The following DOCK2 variants were observed in gnomAD, a reference collection of about 807,000 sequenced individuals.
DOCK2 encodes the protein dedicator of cytokinesis protein 2.
In DOCK2, 87 loss-of-function variants were observed where a neutral mutation model predicts 248.9. The observed-to-expected ratio is 0.35, with a 90% CI of 0.29 to 0.42. The LOEUF is 0.42. Among genes scored for constraint, DOCK2 ranks in the 10% least tolerant of loss-of-function variants. The probability of loss-of-function intolerance (pLI) is 1.00; values close to 1 mark genes in which losing one functional copy is unlikely to be tolerated. For synonymous variants in DOCK2, 805 were observed against 821.6 expected (o/e 0.98, Z 0.35); for missense variants, 1,747 against 2,300.2 (o/e 0.76, Z 4.92).
intron 25 of DOCK2, among the ~76,000 whole-genome samples, chr5:169,769,888 C>G (rs1206574974): frequency 6.6e-6 from 1 of 152,206 alleles, no homozygotes; most frequent in East Asian, 1.9e-4. Flanking sequence ...ATGGAATGAA[C>G]TCCTTAAGGA....
At chr5:169,853,678 G>T (rs1168424223) in intron 27 of DOCK2, among the ~76,000 whole-genome samples, 3 of 151,982 alleles carry the variant, frequency 2.0e-5, no homozygotes. Flanking sequence ...ATCTCCCAGA[G>T]CTCAGAACAT....
intron 27 of DOCK2, among the ~76,000 whole-genome samples, chr5:169,946,633 A>G (rs1331848749): frequency 1.3e-5 from 2 of 152,172 alleles, no homozygotes; most frequent in Non-Finnish European, 2.9e-5. Flanking sequence ...TGTATCAGCC[A>G]CTGTTTCAAG....
Position 170,001,280 on chromosome 5 carries a change from A to G in DOCK2, c.3072+5116A>G, listed in dbSNP as rs556859603. On this transcript the variant is annotated intron_variant, in intron 30 of 51. Coordinates refer to ENST00000520908, the MANE Select transcript of DOCK2 (RefSeq NM_004946.3). Reference sequence around the variant, plus strand: ...TTTTTTTTATTGAAATTTGGGATAAATAATGATTCAAGGTCACTGAGAAAG... The same window carrying G: ...TTTTTTTTATTGAAATTTGGGATAAGTAATGATTCAAGGTCACTGAGAAAG... Among the ~76,000 whole-genome samples, 45 of 152,274 alleles carry G rather than the reference A, an allele frequency of 3.0e-4. No homozygotes were observed. In the East Asian group the frequency reaches 8.5e-3, roughly 29 times the overall value.
At chr5:169,718,635 G>C (rs1053514316) in intron 21 of DOCK2, 22 bp from the exon 22 acceptor site, 1 of 1,602,162 alleles carries the variant, frequency 6.2e-7, no homozygotes, top group Non-Finnish European at 8.5e-7. Context: ...GATGTATTTT[G>C]AAAATATTAT....
At chr5:169,939,517 G>GTTT (rs1422111331) in intron 27 of DOCK2, among the ~76,000 whole-genome samples, 2 of 152,064 alleles carry the variant, frequency 1.3e-5, no homozygotes, top group African/African-American at 4.8e-5. Flanking sequence ...AGTAACAGTC[G>GTTT]TTTATTATTA....
rs960062842 is a variant in DOCK2 at position 170,008,830 on chromosome 5, G to T, written c.3232+84G>T. ...GACCATCTGTTGGAGGGCCACAGGGGTTTTAGCAGTGGGAGCATGAAATAA... is the reference window on the plus strand; with the variant it reads ...GACCATCTGTTGGAGGGCCACAGGGTTTTTAGCAGTGGGAGCATGAAATAA... On this transcript the variant is annotated intron_variant, in intron 32 of 51. Coordinates refer to ENST00000520908, the MANE Select transcript of DOCK2 (RefSeq NM_004946.3). The T allele has an allele frequency of 3.3e-6, 5 of 1,497,840 alleles. No homozygotes were observed. The South Asian group carries it at 3.4e-5, about 10-fold the overall frequency. 92.8% of individuals were successfully genotyped at this position (1,497,840 alleles called of 1,614,324 possible).
intron 2 of DOCK2, 49 bp downstream of exon 2, chr5:169,654,535 G>A (rs1757988792): frequency 6.2e-7 from 1 of 1,602,124 alleles, no homozygotes; most frequent in South Asian, 1.1e-5. Context: ...GCTGATGGAA[G>A]CCTATAGTAC....
intron 1 of DOCK2, among the ~76,000 whole-genome samples, chr5:169,644,571 C>T (rs1203863778): frequency 6.6e-6 from 1 of 151,176 alleles, no homozygotes; most frequent in Non-Finnish European, 1.5e-5. Flanking sequence ...AAGTAGTCAT[C>T]GACATTGGCA....
chr5:169,838,020 C>G (rs1769696346), intron 26 of DOCK2, among the ~76,000 whole-genome samples: 1 of 151,880 alleles, frequency 6.6e-6, no homozygotes, highest in Non-Finnish European at 1.5e-5. Flanking sequence ...AAAATGAAAA[C>G]CATTATATAA....
At chr5:169,938,073 A>C (rs1776072609) in intron 27 of DOCK2, among the ~76,000 whole-genome samples, 2 of 152,194 alleles carry the variant, frequency 1.3e-5, no homozygotes, top group Admixed American at 1.3e-4. Flanking sequence ...TATTCAGTAC[A>C]CATCTATTGT....
chr5:169,952,408 G>T (rs1212454432), intron 27 of DOCK2, among the ~76,000 whole-genome samples: 1 of 151,916 alleles, frequency 6.6e-6, no homozygotes, highest in Non-Finnish European at 1.5e-5. Context: ...TTTTAATTAT[G>T]GCTCCCCTTT....
intron 27 of DOCK2, among the ~76,000 whole-genome samples, chr5:169,921,713 C>A (rs1232206583): frequency 6.6e-6 from 1 of 152,152 alleles, no homozygotes; most frequent in African/African-American, 2.4e-5. Flanking sequence ...GGGATTGCAT[C>A]CCAGGAGTAC....
chr5:169,950,585 G>A (rs1173832764), intron 27 of DOCK2, among the ~76,000 whole-genome samples: 1 of 152,192 alleles, frequency 6.6e-6, no homozygotes, highest in Non-Finnish European at 1.5e-5. Context: ...TTTGGTTTTA[G>A]TTCTTGCACC....
chr5:169,983,004 T>C lies in DOCK2; in HGVS notation c.2800-64T>C, dbSNP rs2113785381. ...GAATGAGCCATAAGGAGACATTTTC[T>C]CACAGGGAAGTTTTCCATGGTCCTC... On this transcript the variant is annotated intron_variant, in intron 27 of 51. Coordinates refer to ENST00000520908, the MANE Select transcript of DOCK2 (RefSeq NM_004946.3). 2.0e-6 allele frequency: 3 copies of C among 1,532,012 alleles called. No homozygotes were observed. The East Asian group carries it at 6.8e-5, about 34-fold the overall frequency. The allele number at this position is 1,532,012 out of a possible 1,614,324, so 94.9% of individuals were successfully genotyped here. A position where few individuals can be genotyped will look rare whatever the true frequency, so the allele number is the denominator to read the frequency against.
intron 36 of DOCK2, 81 bp from the exon 37 acceptor site, chr5:170,040,974 T>C (rs1002210772): frequency 1.6e-6 from 2 of 1,283,422 alleles, no homozygotes; most frequent in Non-Finnish European, 2.3e-6. Context: ...GCCCAGTTGT[T>C]CTCTGGGCTC....
intron 20 of DOCK2, among the ~76,000 whole-genome samples, chr5:169,716,945 C>T (rs1761944547): frequency 6.6e-6 from 1 of 152,200 alleles, no homozygotes; most frequent in Non-Finnish European, 1.5e-5. Context: ...TGAGAGACAA[C>T]TGTGGCTTAA....
At chr5:169,885,850 T>C (rs1427071136) in intron 27 of DOCK2, among the ~76,000 whole-genome samples, 1 of 149,700 alleles carries the variant, frequency 6.7e-6, no homozygotes, top group Admixed American at 6.8e-5. Context: ...TTTCCAATAT[T>C]GCATTATCTC....
intron 15 of DOCK2, among the ~76,000 whole-genome samples, chr5:169,709,079 G>A (rs1761437542): frequency 6.6e-6 from 1 of 152,214 alleles, no homozygotes; most frequent in Non-Finnish European, 1.5e-5. Context: ...AATACTGTCA[G>A]ACAAGTCCTT....
chr5:170,025,561 A>G (rs938538035), intron 33 of DOCK2, among the ~76,000 whole-genome samples: 1 of 152,214 alleles, frequency 6.6e-6, no homozygotes, highest in African/African-American at 2.4e-5. Context: ...GACTCATTGT[A>G]TAGCCCCTTA....
Sources: allele counts gnomAD v4.1 joint callset (sites outside exome capture counted in the v4.1 genomes callset), GRCh38; gene constraint gnomAD v4.1.1; transcripts MANE v1.5; gene names NCBI Gene and HGNC (gene_info 2026-07-23, HGNC 2026-07-21).